Variants in OTX2 observed in about 807,000 individuals in gnomAD.
The protein encoded by OTX2 is orthodenticle homeobox 2.
In OTX2, 4 loss-of-function variants were observed where a neutral mutation model predicts 29.0. The observed-to-expected ratio is 0.14, with a 90% CI of 0.07 to 0.32. OTX2 has a LOEUF of 0.32. Among genes scored for constraint, OTX2 ranks in the 10% least tolerant of loss-of-function variants. The pLI, the probability that OTX2 is intolerant of heterozygous loss-of-function variation, is 1.00. For missense variants in OTX2, 298 were observed against 365.9 expected (o/e 0.81, Z 1.51); for synonymous variants, 134 against 141.0 (o/e 0.95, Z 0.35).
At chr14:56,805,711 T>A (rs1594956240) in intron 2 of OTX2, 136 bp from the exon 3 acceptor site, 2 of 430,582 alleles carry the variant, frequency 4.6e-6, no homozygotes, top group Non-Finnish European at 4.2e-6. Flanking sequence ...TTGCAGACAC[T>A]CCCCCCACCC....
chr14:56,805,591 A>G lies in OTX2; in HGVS notation c.-119-16T>C. 1.5e-6 allele frequency: 1 copy of G among 686,704 alleles called. No homozygotes were observed. The highest frequency in any genetic ancestry group is 1.5e-5 in the South Asian group (1 of 65,174). 42.5% of individuals were successfully genotyped at this position (686,704 alleles called of 1,614,324 possible). A position where few individuals can be genotyped will look rare whatever the true frequency, so the allele number is the denominator to read the frequency against. On this transcript the variant is annotated splice_polypyrimidine_tract_variant and intron_variant, in intron 2 of 4. Transcript: ENST00000672264. ...AGCAGTGGAACTAAGGGCAAAGCAA[A>G]CAAACAAACAGAGGGGCTGGTTTAC...
intron 2 of OTX2, among the ~76,000 whole-genome samples, chr14:56,809,939 T>C (rs1332182868): frequency 6.6e-6 from 1 of 152,254 alleles, no homozygotes; most frequent in Non-Finnish European, 1.5e-5. Flanking sequence ...GAGCACGCTC[T>C]CTGCCTCTCT....
At chr14:56,803,068 C>A (rs1248479616) in intron 4 of OTX2, among the ~76,000 whole-genome samples, 1 of 152,240 alleles carries the variant, frequency 6.6e-6, no homozygotes, top group African/African-American at 2.4e-5. Flanking sequence ...TGCCACTCAG[C>A]ACATAGACTC....
At chr14:56,805,758 G>C in intron 2 of OTX2, 183 bp from the exon 3 acceptor site, 1 of 312,306 alleles carries the variant, frequency 3.2e-6, no homozygotes, top group Admixed American at 5.7e-5. Flanking sequence ...TCTGGAACTA[G>C]AGGGGATGGA....
At chr14:56,803,838 C>T (rs1198115655) in intron 4 of OTX2, among the ~76,000 whole-genome samples, 1 of 152,156 alleles carries the variant, frequency 6.6e-6, no homozygotes, top group Non-Finnish European at 1.5e-5. Context: ...AATACTTGGA[C>T]TGTCCAAGAG....
chr14:56,805,411 T>C lies in OTX2; in HGVS notation c.46A>G (p.Ser16Gly). The change falls in exon 3 of 5, where the codon AGT becomes GGT. Residue 16 changes from serine (S) to glycine (G), a missense_variant. Ser to Gly is a moderately conservative substitution (Grantham distance 56). Coordinates refer to ENST00000672264, the MANE Select transcript of OTX2 (RefSeq NM_021728.4). ...KQPPYAVNGL[S>G]LTTSGMDLLH... ...AAGTCCATACCCGAAGTGGTCAGAC[T>C]CAGCCCATTGACTGCGTAAGGCGGT... 1 of 1,614,062 alleles carries C rather than the reference T, an allele frequency of 6.2e-7. No homozygotes were observed. Among genetic ancestry groups the C allele is most frequent in the African/African-American group, 1.3e-5 (1 of 75,050 alleles).
chr14:56,804,265 C>T lies in OTX2; in HGVS notation c.196G>A (p.Ala66Thr). Residue 66 changes from alanine to threonine, a missense_variant, in exon 4 of 5, where the codon GCC (alanine) becomes ACC (threonine). Ala to Thr is a moderately conservative substitution (Grantham distance 58). This residue lies in a region of OTX2 where 29 missense variants were observed against 84.7 expected (regional missense o/e 0.34). Coordinates refer to ENST00000672264, the MANE Select transcript of OTX2 (RefSeq NM_021728.4). The surrounding 1 kb of genome is among the most constrained non-coding windows in gnomAD (Gnocchi z 4.1). ...AAGATGTCTGGGTACCGGGTCTTGGCAAACAGTGCTTCCAGCACATCTAGC... is the reference window on the plus strand; with the variant it reads ...AAGATGTCTGGGTACCGGGTCTTGGTAAACAGTGCTTCCAGCACATCTAGC... ...AQLDVLEALF[A>T]KTRYPDIFMR... 1 of 1,614,180 alleles carries T rather than the reference C, an allele frequency of 6.2e-7. No homozygotes were observed. Among genetic ancestry groups the T allele is most frequent in the Non-Finnish European group, 8.5e-7 (1 of 1,180,032 alleles).
In OTX2 at chr14:56,801,463, T is replaced by C; in HGVS notation, c.*272A>G. 3 of 510,460 alleles carry C rather than the reference T, an allele frequency of 5.9e-6. No homozygotes were observed. The South Asian group carries it at 6.5e-5, about 11-fold the overall frequency. The allele number at this position is 510,460 out of a possible 1,614,324, so 31.6% of individuals were successfully genotyped here. ...ATTTTTGGTGGTGTTTGGTTGCACA[T>C]GGCTAGAATGCTTTTGATCACTTTG... On this transcript the variant is annotated 3_prime_UTR_variant, in exon 5 of 5. Coordinates refer to ENST00000672264, the MANE Select transcript of OTX2 (RefSeq NM_021728.4). This position sits in a 1 kb window ranked among gnomAD's most constrained non-coding sequence, Gnocchi z 4.2.
intron 4 of OTX2, among the ~76,000 whole-genome samples, chr14:56,803,083 T>A (rs1891951321): frequency 6.6e-6 from 1 of 152,234 alleles, no homozygotes; most frequent in South Asian, 2.1e-4. Context: ...AGACTCAGTC[T>A]CCTGTGCTGT....
chr14:56,807,543 G>A, intron 2 of OTX2, among the ~76,000 whole-genome samples: 1 of 152,150 alleles, frequency 6.6e-6, no homozygotes, highest in South Asian at 2.1e-4. Flanking sequence ...TAAAAAGCCA[G>A]TAACACACAG....
intron 2 of OTX2, among the ~76,000 whole-genome samples, chr14:56,807,173 A>G (rs1347311898): frequency 2.6e-5 from 4 of 152,174 alleles, no homozygotes; most frequent in Non-Finnish European, 5.9e-5. Flanking sequence ...CCTCAGTACA[A>G]CTAATTTAGT....
chr14:56,807,706 C>T (rs1892135694), intron 2 of OTX2, among the ~76,000 whole-genome samples: 2 of 152,258 alleles, frequency 1.3e-5, no homozygotes, highest in South Asian at 4.1e-4. Flanking sequence ...AAGAGATTCT[C>T]TCCACAACCG....
rs1354433789 is a variant in OTX2 at position 56,804,293 on chromosome 14, C to A, written c.168G>T (p.Ala56=). The A allele has an allele frequency of 6.2e-7, 1 of 1,614,172 alleles. No individual in the cohort carries two copies. Among genetic ancestry groups the A allele is most frequent in the Non-Finnish European group, 8.5e-7 (1 of 1,180,044 alleles). The change falls in exon 4 of 5, where the codon GCG becomes GCT. Residue 56 remains alanine (A), a synonymous_variant. Transcript: ENST00000672264. The surrounding 1 kb of genome is among the most constrained non-coding windows in gnomAD (Gnocchi z 4.1). Reference sequence around the variant, plus strand: ...ACAGTGCTTCCAGCACATCTAGCTGCGCCCGAGTGAACGTCGTCCTCTCCC... The same window carrying A: ...ACAGTGCTTCCAGCACATCTAGCTGAGCCCGAGTGAACGTCGTCCTCTCCC... The part of the protein sequence containing the change: ...QRRERTTFTR[A]QLDVLEALFA...
At chr14:56,809,140 A>T (rs1165455021) in intron 2 of OTX2, among the ~76,000 whole-genome samples, 18 of 152,160 alleles carry the variant, frequency 1.2e-4, no homozygotes, top group Admixed American at 1.0e-3. Flanking sequence ...TCCCCGCCAG[A>T]GAACAGCTGA....
rs1319905301 is a variant in OTX2 at position 56,799,968 on chromosome 14, T to A, written c.*1767A>T. On this transcript the variant is annotated 3_prime_UTR_variant, in exon 5 of 5. Transcript: ENST00000672264. Reference sequence around the variant, plus strand: ...CAAGAGTCACTTAATTTTGGTCAGCTGTAAGAGCTTAAGCAGCTTAAAATG... The same window carrying A: ...CAAGAGTCACTTAATTTTGGTCAGCAGTAAGAGCTTAAGCAGCTTAAAATG... 6.6e-6 allele frequency: 1 copy of A among 152,212 alleles called. No homozygotes were observed. Among genetic ancestry groups the A allele is most frequent in the Non-Finnish European group, 1.5e-5 (1 of 68,042 alleles). The allele number at this position is 152,212 out of a possible 1,614,324, so 9.4% of individuals were successfully genotyped here. A position where few individuals can be genotyped will look rare whatever the true frequency, so the allele number is the denominator to read the frequency against.
rs1453327561 is a variant in OTX2, at chr14:56,800,660, G to A, written c.*1075C>T. ...TTTTGGGGAGGAAAGGCTGAATGTA[G>A]GCTTCTTATTCATAAATAGCGGTGT... is the stretch of plus-strand genomic sequence containing the variant. On this transcript the variant is annotated 3_prime_UTR_variant, in exon 5 of 5. Coordinates refer to ENST00000672264, the MANE Select transcript of OTX2 (RefSeq NM_021728.4). 6.6e-6 allele frequency: 1 copy of A among 152,472 alleles called. No homozygotes were observed. Among genetic ancestry groups the A allele is most frequent in the African/African-American group, 2.4e-5 (1 of 41,380 alleles). 9.4% of individuals were successfully genotyped at this position (152,472 alleles called of 1,614,324 possible).
At chr14:56,808,244 C>T (rs1892158208) in intron 2 of OTX2, among the ~76,000 whole-genome samples, 1 of 152,176 alleles carries the variant, frequency 6.6e-6, no homozygotes, top group Non-Finnish European at 1.5e-5. Context: ...CCGAGGGGCA[C>T]ACGTCCCTTA....
Position 56,804,330 on chromosome 14 carries a change from C to T in OTX2, c.131G>A (p.Arg44Gln). Residue 44 changes from arginine to glutamine, a missense_variant, in exon 4 of 5, where the codon CGG becomes CAG. By Grantham distance (43) the Arg-to-Gln change is conservative (BLOSUM62 1). This residue lies in a region of OTX2 where 50 missense variants were observed against 57.6 expected (regional missense o/e 0.87). Transcript: ENST00000672264. The surrounding 1 kb of genome is among the most constrained non-coding windows in gnomAD (Gnocchi z 4.1). ...CGTCGTCCTCTCCCGGCGCTGTTTCCGGGGGGTGGCTGCGGGACAAGAAGC... is the reference window on the plus strand; with the variant it reads ...CGTCGTCCTCTCCCGGCGCTGTTTCTGGGGGGTGGCTGCGGGACAAGAAGC... ...PWASCPAATP[R>Q]KQRRERTTFT... 6.2e-7 allele frequency: 1 copy of T among 1,613,920 alleles called. No individual in the cohort carries two copies. Among genetic ancestry groups the T allele is most frequent in the South Asian group, 1.1e-5 (1 of 91,082 alleles).
rs558072316 is a variant in OTX2, at chr14:56,801,692, A to C, written c.*43T>G. On this transcript the variant is annotated 3_prime_UTR_variant, in exon 5 of 5. Coordinates refer to ENST00000672264, the MANE Select transcript of OTX2 (RefSeq NM_021728.4). The surrounding 1 kb of genome is among the most constrained non-coding windows in gnomAD (Gnocchi z 4.2). ...TGGCTAAAACTGGAATGTCCAGCCCAGTATATTTAAAAATCACCCACAAAA... is the reference window on the plus strand; with the variant it reads ...TGGCTAAAACTGGAATGTCCAGCCCCGTATATTTAAAAATCACCCACAAAA... 1 of 1,603,010 alleles carries C rather than the reference A, an allele frequency of 6.2e-7. No individual in the cohort carries two copies. Among genetic ancestry groups the C allele is most frequent in the African/African-American group, 1.3e-5 (1 of 74,820 alleles).
Sources: gnomAD v4.1 joint callset for allele counts (sites outside exome capture counted in the v4.1 genomes callset) on GRCh38, gnomAD v4.1.1 for gene constraint, gnomAD v4.1.1 regional missense constraint, Gnocchi (gnomAD v3.1) non-coding constraint, MANE v1.5 for transcripts, NCBI Gene and HGNC (gene_info 2026-07-23, HGNC 2026-07-21) for gene names.